TBC1D5: variants seen among roughly 807,000 people sequenced by gnomAD.
The protein encoded by TBC1D5 is TBC1 domain family, member 5.
TBC1D5 carries 75 observed loss-of-function variants against 100.3 expected under a neutral mutation model. The observed-to-expected ratio is 0.75, with a 90% CI of 0.62 to 0.91. The LOEUF is 0.91. Ranked by LOEUF, TBC1D5 falls within the 40% of genes least tolerant of loss-of-function variation. The pLI, the probability that TBC1D5 is intolerant of heterozygous loss-of-function variation, is 0.00. For synonymous variants in TBC1D5, 323 were observed against 325.6 expected, an observed-to-expected ratio of 0.99 and a Z score of 0.09; for missense variants, 910 against 942.4, an observed-to-expected ratio of 0.97 and a Z score of 0.45.
chr3:17,601,270 G>C (rs2060918263), intron 2 of TBC1D5, among the ~76,000 whole-genome samples: 1 of 152,146 alleles, frequency 6.6e-6, no homozygotes, highest in Admixed American at 6.5e-5. Flanking sequence ...CAGCACTTTG[G>C]GAGGCCCAGG....
rs184375730 is a variant in TBC1D5, at chr3:17,654,611, C to G, written c.-100-30698G>C. ...ATCAATGTTCATCAAGGATATTGAT[C>G]TAAAATTGTCTTTTTTGGTTGTGTC... On this transcript the variant is annotated intron_variant, in intron 1 of 21. Coordinates refer to ENST00000253692, the Ensembl canonical transcript of TBC1D5. Among the ~76,000 whole-genome samples the G allele has an allele frequency of 5.6e-3, 849 of 152,270 alleles. 12 individuals are homozygous for G. The highest frequency in any genetic ancestry group is 9.1e-3 in the Admixed American group (139 of 15,298).
At chr3:17,423,293 T>A (rs959393822) in intron 4 of TBC1D5, among the ~76,000 whole-genome samples, 1 of 152,052 alleles carries the variant, frequency 6.6e-6, no homozygotes, top group Admixed American at 6.6e-5. Flanking sequence ...GAGAAAAAAA[T>A]AAGCCAAAAG....
At chr3:17,287,583 T>C (rs553748991) in intron 15 of TBC1D5, among the ~76,000 whole-genome samples, 2 of 152,318 alleles carry the variant, frequency 1.3e-5, no homozygotes, top group Admixed American at 1.3e-4. Context: ...CTGAAAAAAG[T>C]GAGGAAAGAT....
chr3:17,701,646 T>C lies in TBC1D5; in HGVS notation c.-101+37697A>G, dbSNP rs949282127. On this transcript the variant is annotated intron_variant, in intron 1 of 21. Coordinates refer to ENST00000253692, the Ensembl canonical transcript of TBC1D5. The stretch of plus-strand genomic sequence containing the variant: ...AAGACTTTTTTTTTTAAACAAAGAA[T>C]ATAAAAGAGAGGATATGAACAGTAT... 2.0e-5 allele frequency among the ~76,000 whole-genome samples: 3 copies of C among 151,740 alleles called. No individual in the cohort carries two copies. The East Asian group carries it at 5.8e-4, about 29-fold the overall frequency.
At chr3:17,254,275 A>AT (rs2077432050) in intron 16 of TBC1D5, among the ~76,000 whole-genome samples, 1 of 152,248 alleles carries the variant, frequency 6.6e-6, no homozygotes, top group South Asian at 2.1e-4. Flanking sequence ...GTTTAACTTC[A>AT]TAAGAAATTA....
intron 13 of TBC1D5, among the ~76,000 whole-genome samples, chr3:17,320,189 G>C (rs2085224587): frequency 6.6e-6 from 1 of 152,158 alleles, no homozygotes; most frequent in South Asian, 2.1e-4. Flanking sequence ...TAGGATCTTT[G>C]ATTACAAAGA....
intron 2 of TBC1D5, among the ~76,000 whole-genome samples, chr3:17,602,327 T>C (rs568432738): frequency 2.4e-4 from 37 of 152,246 alleles, no homozygotes; most frequent in Admixed American, 1.5e-3. Flanking sequence ...GCTCATAACA[T>C]TGAAATGTGT....
chr3:17,526,637 G>A (rs570797806), intron 2 of TBC1D5, among the ~76,000 whole-genome samples: 4 of 152,280 alleles, frequency 2.6e-5, no homozygotes, highest in South Asian at 2.1e-4. Context: ...TCAATTCACA[G>A]GTTTTGTGAA....
intron 4 of TBC1D5, among the ~76,000 whole-genome samples, chr3:17,409,246 G>A (rs1322414249): frequency 6.6e-6 from 1 of 152,080 alleles, no homozygotes; most frequent in Non-Finnish European, 1.5e-5. Context: ...CATTATATCT[G>A]TTATGGGGAT....
chr3:17,563,003 T>C (rs2096569437), intron 2 of TBC1D5, among the ~76,000 whole-genome samples: 1 of 152,138 alleles, frequency 6.6e-6, no homozygotes, highest in African/African-American at 2.4e-5. Context: ...AAGAGAGACA[T>C]ACAGATCAAC....
chr3:17,256,473 G>A (rs780745917), intron 16 of TBC1D5, among the ~76,000 whole-genome samples: 50 of 143,586 alleles, frequency 3.5e-4, no homozygotes, highest in Non-Finnish European at 7.2e-4. Context: ...TAAACTCAAT[G>A]TGTTATATAT....
intron 1 of TBC1D5, among the ~76,000 whole-genome samples, chr3:17,684,483 C>CA (rs1214762396): frequency 4.6e-5 from 7 of 152,172 alleles, no homozygotes; most frequent in African/African-American, 1.7e-4. Context: ...TAATTCACTG[C>CA]AAGCAAACAC....
intron 3 of TBC1D5, among the ~76,000 whole-genome samples, chr3:17,497,895 G>C (rs73153063): frequency 6.6e-6 from 1 of 151,102 alleles, no homozygotes; most frequent in East Asian, 1.9e-4. Context: ...TTTTTTTCCC[G>C]GACTAAAATT....
In TBC1D5 at chr3:17,603,551, G is replaced by A. The variant is rs549033458; in HGVS notation, c.-36+20298C>T. 5.3e-5 allele frequency among the ~76,000 whole-genome samples: 8 copies of A among 152,138 alleles called. No homozygotes were observed. The East Asian group carries it at 1.4e-3, about 26-fold the overall frequency. On this transcript the variant is annotated intron_variant, in intron 2 of 21. Coordinates refer to ENST00000253692, the Ensembl canonical transcript of TBC1D5. ...TTCCGGAATTCCCCACCCCTTTCCC[G>A]GAAAACTCATGAATAGCCCACTGCT...
intron 1 of TBC1D5, among the ~76,000 whole-genome samples, chr3:17,661,900 T>C (rs1271457828): frequency 2.0e-5 from 3 of 151,340 alleles, no homozygotes; most frequent in Non-Finnish European, 4.4e-5. Context: ...CAACTCCCCC[T>C]TTTTTTTTAA....
Position 17,384,016 on chromosome 3 carries a change from C to G in TBC1D5, c.510-1G>C. The G allele has an allele frequency of 6.3e-7, 1 of 1,594,020 alleles. No individual in the cohort carries two copies. Among genetic ancestry groups the G allele is most frequent in the Non-Finnish European group, 8.6e-7 (1 of 1,166,530 alleles). ...CTGGAAAAACTGCATTTCAGGAAAC[C>G]TGGAAAAAGAAAATACAAGATTGAA... On this transcript the variant is annotated splice_acceptor_variant, in intron 8 of 21. Transcript: ENST00000253692. LOFTEE classifies it high-confidence loss of function.
At chr3:17,525,051 T>G (rs1385063400) in intron 2 of TBC1D5, among the ~76,000 whole-genome samples, 2 of 152,202 alleles carry the variant, frequency 1.3e-5, no homozygotes, top group Non-Finnish European at 2.9e-5. Flanking sequence ...TTAAAATTTC[T>G]GGACACACAA....
At chr3:17,330,664 CT>C in intron 13 of TBC1D5, among the ~76,000 whole-genome samples, 1 of 152,132 alleles carries the variant, frequency 6.6e-6, no homozygotes, top group Non-Finnish European at 1.5e-5. Flanking sequence ...ATGAGTTCCC[CT>C]TGCTTAACCA....
intron 15 of TBC1D5, among the ~76,000 whole-genome samples, chr3:17,261,869 A>G (rs1287556946): frequency 6.6e-6 from 1 of 151,224 alleles, no homozygotes; most frequent in African/African-American, 2.4e-5. Context: ...TTCAAATAAA[A>G]CTTTATAAAA....
Sources: gnomAD v4.1 joint callset for allele counts (sites outside exome capture counted in the v4.1 genomes callset) on GRCh38, gnomAD v4.1.1 for gene constraint, MANE v1.5 for transcripts, NCBI Gene and HGNC (gene_info 2026-07-23, HGNC 2026-07-21) for gene names.